The following BTBD16 variants were observed in gnomAD, a reference collection of about 807,000 sequenced individuals.
The protein encoded by BTBD16 is BTB domain containing 16, also known as BTB/POZ domain-containing protein 16.
BTBD16 carries 66 observed loss-of-function variants against 67.4 expected under a neutral mutation model. The observed-to-expected ratio is 0.98, with a 90% CI of 0.80 to 1.20. The LOEUF is 1.20. BTBD16 is among the 50% of genes most tolerant of loss of function. The pLI is 0.00. For missense variants in BTBD16, 634 were observed against 616.0 expected, an observed-to-expected ratio of 1.03 and a Z score of -0.31; for synonymous variants, 242 against 236.4, an observed-to-expected ratio of 1.02 and a Z score of -0.22.
At chr10:122,309,927 A>G (rs2096410787) in intron 10 of BTBD16, among the ~76,000 whole-genome samples, 1 of 150,558 alleles carries the variant, frequency 6.6e-6, no homozygotes, top group South Asian at 2.1e-4. Context: ...ACGTGCCACC[A>G]CGCCCAGCTA....
intron 10 of BTBD16, among the ~76,000 whole-genome samples, chr10:122,317,117 T>G (rs1350935867): frequency 6.6e-6 from 1 of 152,184 alleles, no homozygotes; most frequent in African/African-American, 2.4e-5. Flanking sequence ...CGCTGTGTAC[T>G]TAGGCTACAC....
At chr10:122,328,599 G>C (rs1442791773) in intron 10 of BTBD16, among the ~76,000 whole-genome samples, 2 of 152,178 alleles carry the variant, frequency 1.3e-5, no homozygotes, top group African/African-American at 4.8e-5. Flanking sequence ...GTGTGACTTG[G>C]ACACCACTCT....
In BTBD16 at chr10:122,300,522, G is replaced by A. The variant is rs552108554; in HGVS notation, c.791+1388G>A. Reference sequence around the variant, plus strand: ...CTATTAATATTAGGGAGTAATTTGCGTTTATTAAGTTCCTTTACTCCACAT... The same window carrying A: ...CTATTAATATTAGGGAGTAATTTGCATTTATTAAGTTCCTTTACTCCACAT... On this transcript the variant is annotated intron_variant, in intron 9 of 15. Coordinates refer to ENST00000260723, the MANE Select transcript of BTBD16 (RefSeq NM_144587.5). Among the ~76,000 whole-genome samples the A allele has an allele frequency of 9.5e-4, 144 of 152,140 alleles. 2 individuals carry two copies. Among genetic ancestry groups the A allele is most frequent in the African/African-American group, 3.2e-3 (132 of 41,494 alleles).
chr10:122,332,930 G>T, intron 13 of BTBD16: 1 of 985,360 alleles, frequency 1.0e-6, no homozygotes, highest in Admixed American at 6.1e-5. Flanking sequence ...GGTGAACTCA[G>T]TCTGGGCAGC....
intron 10 of BTBD16, chr10:122,328,805 C>T: frequency 2.0e-6 from 2 of 985,392 alleles, no homozygotes; most frequent in Non-Finnish European, 2.4e-6. Context: ...TGCGTGTCTT[C>T]TCAAAAAGAA....
intron 4 of BTBD16, 96 bp downstream of exon 4, chr10:122,284,020 C>T (rs1487900143): frequency 1.5e-5 from 13 of 882,642 alleles, no homozygotes; most frequent in Admixed American, 9.6e-5. Flanking sequence ...TAAACCAGGG[C>T]GCTAGTGTAT....
At chr10:122,294,562 G>A (rs925935733) in intron 7 of BTBD16, among the ~76,000 whole-genome samples, 2 of 148,108 alleles carry the variant, frequency 1.4e-5, no homozygotes, top group Non-Finnish European at 3.0e-5. Context: ...GCACACACAC[G>A]CTCACACACA....
chr10:122,286,016 G>A (rs1367871703), intron 4 of BTBD16, 89 bp from the exon 5 acceptor site: 7 of 1,299,300 alleles, frequency 5.4e-6, no homozygotes, highest in Non-Finnish European at 6.5e-6. Context: ...ATGATCCACC[G>A]AGCAAAGGAG....
At chr10:122,326,340 A>G (rs111367591) in intron 10 of BTBD16, among the ~76,000 whole-genome samples, 21 of 152,104 alleles carry the variant, frequency 1.4e-4, no homozygotes, top group African/African-American at 4.8e-4. Flanking sequence ...AACAACTCCC[A>G]TTCCCCTTCC....
chr10:122,309,663 A>G (rs892574396), intron 10 of BTBD16, among the ~76,000 whole-genome samples: 4 of 151,780 alleles, frequency 2.6e-5, no homozygotes, highest in African/African-American at 7.3e-5. Flanking sequence ...ATTTGTAGAA[A>G]CAGGGCCACT....
chr10:122,284,795 C>T (rs1052646062), intron 4 of BTBD16, among the ~76,000 whole-genome samples: 8 of 149,904 alleles, frequency 5.3e-5, no homozygotes, highest in African/African-American at 1.7e-4. Flanking sequence ...CAACTCTGAA[C>T]AGGAGAAGTA....
At chr10:122,305,040 G>T (rs1348760880) in intron 9 of BTBD16, among the ~76,000 whole-genome samples, 1 of 152,200 alleles carries the variant, frequency 6.6e-6, no homozygotes, top group Non-Finnish European at 1.5e-5. Context: ...TAGAATGATG[G>T]CCCCACAGAT....
At chr10:122,285,113 C>T (rs193057272) in intron 4 of BTBD16, among the ~76,000 whole-genome samples, 8 of 152,234 alleles carry the variant, frequency 5.3e-5, no homozygotes, top group Non-Finnish European at 8.8e-5. Flanking sequence ...AAGGTCACAC[C>T]GTGAAACTAA....
Position 122,314,497 on chromosome 10 carries a change from C to T in BTBD16, c.911+7189C>T, listed in dbSNP as rs539408352. Among the ~76,000 whole-genome samples, 8 of 152,082 alleles carry T rather than the reference C, an allele frequency of 5.3e-5. No homozygotes were observed. In the South Asian group the frequency reaches 1.2e-3, roughly 24 times the overall value. On this transcript the variant is annotated intron_variant, in intron 10 of 15. Coordinates refer to ENST00000260723, the MANE Select transcript of BTBD16 (RefSeq NM_144587.5). ...CCAGCCTAGATGGCAAAGTGAGACCCTGTCTCAAAAAAAATTAAAAATAAA... is the reference window on the plus strand; with the variant it reads ...CCAGCCTAGATGGCAAAGTGAGACCTTGTCTCAAAAAAAATTAAAAATAAA...
At chr10:122,318,623 T>C (rs767297170) in intron 10 of BTBD16, among the ~76,000 whole-genome samples, 2 of 152,238 alleles carry the variant, frequency 1.3e-5, no homozygotes, top group African/African-American at 2.4e-5. Context: ...TCTCACTCTG[T>C]TGCCCAGGCT....
At position 122,298,999 on chromosome 10, in the gene BTBD16, CTT is replaced by C. The variant is rs1564981126; in HGVS notation, c.661-4_661-3del. On this transcript the variant is annotated splice_polypyrimidine_tract_variant and splice_region_variant and intron_variant, in intron 8 of 15. Transcript: ENST00000260723. ...CCTTCATCAACTGGCTTTTTTTTGT[CTT>C]AGTACAAGGAAGAGCAGCTCACCAC... 1.9e-6 allele frequency: 3 copies of C among 1,612,160 alleles called. No homozygotes were observed. Among genetic ancestry groups the C allele is most frequent in the Non-Finnish European group, 2.5e-6 (3 of 1,179,556 alleles).
At chr10:122,301,458 G>A (rs950322687) in intron 9 of BTBD16, among the ~76,000 whole-genome samples, 1 of 152,088 alleles carries the variant, frequency 6.6e-6, no homozygotes, top group African/African-American at 2.4e-5. Flanking sequence ...GACAGTCCAG[G>A]GCTATCACTG....
At chr10:122,306,561 C>G (rs1484997699) in intron 9 of BTBD16, among the ~76,000 whole-genome samples, 3 of 152,182 alleles carry the variant, frequency 2.0e-5, no homozygotes, top group Admixed American at 6.5e-5. Flanking sequence ...CTGCCCTATA[C>G]CCAGGTCTGA....
At chr10:122,302,785 C>CT (rs2096396596) in intron 9 of BTBD16, among the ~76,000 whole-genome samples, 1 of 152,190 alleles carries the variant, frequency 6.6e-6, no homozygotes, top group Non-Finnish European at 1.5e-5. Context: ...GTTACCCAGA[C>CT]TGATTCCTAT....
Sources: allele counts gnomAD v4.1 joint callset (sites outside exome capture counted in the v4.1 genomes callset), GRCh38; gene constraint gnomAD v4.1.1; transcripts MANE v1.5; gene names NCBI Gene and HGNC (gene_info 2026-07-23, HGNC 2026-07-21).